The following HCN1 variants were observed in gnomAD, a reference collection of about 807,000 sequenced individuals.
HCN1 encodes hyperpolarization activated cyclic nucleotide gated potassium channel 1.
Under a neutral mutation model 78.9 loss-of-function variants are expected in HCN1, and 13 were observed. The ratio of observed to expected loss-of-function variants is 0.16; its 90% CI spans 0.11 to 0.26. The LOEUF is 0.26. Among genes scored for constraint, HCN1 ranks in the 10% least tolerant of loss-of-function variants. The pLI is 1.00. For missense variants in HCN1, 810 were observed against 1,154.3 expected (o/e 0.70, Z 4.32); for synonymous variants, 552 against 455.5 (o/e 1.21, Z -2.70).
At chr5:45,431,727 A>G (rs1482516327) in intron 3 of HCN1, among the ~76,000 whole-genome samples, 1 of 152,086 alleles carries the variant, frequency 6.6e-6, no homozygotes, top group Non-Finnish European at 1.5e-5. Context: ...CAACTTTGTC[A>G]AAGATAAGAT....
At chr5:45,308,079 G>C (rs1745772898) in intron 5 of HCN1, among the ~76,000 whole-genome samples, 1 of 152,086 alleles carries the variant, frequency 6.6e-6, no homozygotes, top group South Asian at 2.1e-4. Flanking sequence ...TTGAGTTAAT[G>C]AGTGAGTTCT....
At chr5:45,693,289 T>C (rs916541976) in intron 1 of HCN1, among the ~76,000 whole-genome samples, 2 of 151,720 alleles carry the variant, frequency 1.3e-5, no homozygotes, top group Non-Finnish European at 2.9e-5. Context: ...AAATATATTC[T>C]GAATGTAAAC....
At chr5:45,349,958 G>A (rs1215707828) in intron 5 of HCN1, among the ~76,000 whole-genome samples, 1 of 152,108 alleles carries the variant, frequency 6.6e-6, no homozygotes, top group Non-Finnish European at 1.5e-5. Context: ...AGGAGGAACT[G>A]GTACCATTCC....
chr5:45,580,245 C>G (rs1476736723), intron 2 of HCN1, among the ~76,000 whole-genome samples: 3 of 151,910 alleles, frequency 2.0e-5, no homozygotes, highest in African/African-American at 4.8e-5. Flanking sequence ...CCATAAGGGC[C>G]CATTGTAGTC....
chr5:45,272,855 A>T (rs1464487018), intron 6 of HCN1, among the ~76,000 whole-genome samples: 1 of 152,114 alleles, frequency 6.6e-6, no homozygotes, highest in Non-Finnish European at 1.5e-5. Context: ...TTAAATACAA[A>T]ATAAAATAAA....
chr5:45,648,293 G>A (rs1268512671), intron 1 of HCN1, among the ~76,000 whole-genome samples: 21 of 152,080 alleles, frequency 1.4e-4, no homozygotes, highest in Non-Finnish European at 8.8e-5. Context: ...ATCCCTCAGA[G>A]CAATAGAGAT....
At chr5:45,593,444 T>G (rs1222752171) in intron 2 of HCN1, among the ~76,000 whole-genome samples, 1 of 151,730 alleles carries the variant, frequency 6.6e-6, no homozygotes, top group Admixed American at 6.6e-5. Flanking sequence ...CTCTTATCCC[T>G]GATGGTAGGC....
intron 1 of HCN1, among the ~76,000 whole-genome samples, chr5:45,681,091 G>T (rs1285104246): frequency 2.6e-5 from 4 of 152,028 alleles, no homozygotes; most frequent in African/African-American, 9.7e-5. Flanking sequence ...CAGACCAATT[G>T]TGCAAATTCC....
rs771244051 is a variant in HCN1 at position 45,645,461 on chromosome 5, G to T, written c.573C>A (p.Ile191=). ...TGACAGTCCCAGTCCTAAAATTCAT[G>T]ATCAGGTCCAATAGGAAAACTGTAT... ...ASDTVFLLDL[I]MNFRTGTVNE... The change falls in exon 2 of 8, where the codon ATC becomes ATA. Residue 191 remains isoleucine, a synonymous_variant. Coordinates refer to ENST00000303230, the MANE Select transcript of HCN1 (RefSeq NM_021072.4). 5.0e-6 allele frequency: 8 copies of T among 1,613,550 alleles called. No individual in the cohort carries two copies. The Admixed American group carries it at 1.2e-4, about 24-fold the overall frequency.
At chr5:45,563,187 C>T (rs775949817) in intron 2 of HCN1, among the ~76,000 whole-genome samples, 7 of 152,036 alleles carry the variant, frequency 4.6e-5, no homozygotes, top group African/African-American at 1.2e-4. Flanking sequence ...CGGTGGCTCA[C>T]GCCTGTAATC....
At chr5:45,671,616 C>A (rs1746153252) in intron 1 of HCN1, among the ~76,000 whole-genome samples, 1 of 150,980 alleles carries the variant, frequency 6.6e-6, no homozygotes, top group African/African-American at 2.4e-5. Flanking sequence ...ACTAGCAGTC[C>A]TTTGATGATT....
intron 2 of HCN1, among the ~76,000 whole-genome samples, chr5:45,495,844 A>T (rs1039607646): frequency 2.0e-5 from 3 of 152,202 alleles, no homozygotes; most frequent in African/African-American, 7.2e-5. Context: ...CATTTTCTGC[A>T]TCTATTGAGA....
chr5:45,550,139 C>G (rs1244974203), intron 2 of HCN1, among the ~76,000 whole-genome samples: 2 of 152,058 alleles, frequency 1.3e-5, no homozygotes, highest in Non-Finnish European at 1.5e-5. Context: ...CCAGCCATCC[C>G]ATTACTGGTA....
chr5:45,321,167 C>T (rs948226546), intron 5 of HCN1, among the ~76,000 whole-genome samples: 4 of 151,740 alleles, frequency 2.6e-5, no homozygotes, highest in African/African-American at 2.4e-5. Context: ...GATCTCCCTA[C>T]ACAGCCCCCA....
chr5:45,523,311 A>G (rs1268334207), intron 2 of HCN1, among the ~76,000 whole-genome samples: 1 of 152,144 alleles, frequency 6.6e-6, no homozygotes, highest in Non-Finnish European at 1.5e-5. Context: ...TAGTGCCACA[A>G]TAAACATACG....
rs71000632 is a variant in HCN1 at position 45,374,301 on chromosome 5, GTATACATTATATACATTATATACATTA to G, written c.1231-21082_1231-21056del. 3.2e-5 allele frequency among the ~76,000 whole-genome samples: 4 copies of G among 124,000 alleles called. No individual in the cohort carries two copies. In the East Asian group the frequency reaches 8.8e-4, roughly 27 times the overall value. 81.3% of individuals were successfully genotyped at this position (124,000 alleles called of 152,430 possible). On this transcript the variant is annotated intron_variant, in intron 4 of 7. Transcript: ENST00000303230. ...ATACATTATATACATTATATATATT[GTATACATTATATACATTATATACATTA>G]TATACATTATATATATATAATATAC...
chr5:45,579,448 T>C (rs1055121339), intron 2 of HCN1, among the ~76,000 whole-genome samples: 42 of 152,060 alleles, frequency 2.8e-4, no homozygotes, highest in African/African-American at 9.7e-4. Context: ...CTCTTCTCCT[T>C]TTCCCTTTGG....
intron 5 of HCN1, among the ~76,000 whole-genome samples, chr5:45,324,571 A>T (rs769066096): frequency 7.2e-5 from 11 of 151,874 alleles, no homozygotes; most frequent in Admixed American, 1.3e-4. Flanking sequence ...AACTAGTTCA[A>T]CCTAAAGTAA....
At chr5:45,521,666 T>G (rs542644556) in intron 2 of HCN1, among the ~76,000 whole-genome samples, 1 of 151,846 alleles carries the variant, frequency 6.6e-6, no homozygotes, top group Non-Finnish European at 1.5e-5. Flanking sequence ...TATTTCCAAA[T>G]AGGGTCGCAT....
Sources: gnomAD v4.1 joint callset for allele counts (sites outside exome capture counted in the v4.1 genomes callset) on GRCh38, gnomAD v4.1.1 for gene constraint, MANE v1.5 for transcripts, NCBI Gene and HGNC (gene_info 2026-07-23, HGNC 2026-07-21) for gene names.